Variants in UNC13C observed in about 807,000 individuals in gnomAD.
The protein encoded by UNC13C is unc-13 homolog C.
A neutral mutation model predicts 245.4 loss-of-function variants in UNC13C; 174 were observed. The ratio of observed to expected loss-of-function variants is 0.71; its 90% confidence interval spans 0.63 to 0.80. The LOEUF (loss-of-function observed/expected upper bound fraction) is 0.80, where lower values mean the gene tolerates loss of function less well. Among genes scored for constraint, UNC13C ranks in the 30% least tolerant of loss-of-function variants. UNC13C has a pLI of 0.00. For synonymous variants in UNC13C, 992 were observed against 895.1 expected (o/e 1.11, Z -1.93); for missense variants, 2,829 against 2,602.9 (o/e 1.09, Z -1.89).
At chr15:53,909,190 C>A in the UNC13C span, among the ~76,000 whole-genome samples, 1 of 146,782 alleles carries the variant, frequency 6.8e-6, no homozygotes, top group Non-Finnish European at 1.5e-5. Context: ...TCTCCTTATT[C>A]TTGCAGAAAT....
chr15:53,898,329 G>T, the UNC13C span, among the ~76,000 whole-genome samples: 2 of 151,868 alleles, frequency 1.3e-5, no homozygotes, highest in East Asian at 3.9e-4. Context: ...AAATGATCAG[G>T]GTAAGATGGT....
At chr15:54,577,211 T>C (rs928535641) in intron 30 of UNC13C, among the ~76,000 whole-genome samples, 1 of 151,880 alleles carries the variant, frequency 6.6e-6, no homozygotes, top group South Asian at 2.1e-4. Context: ...CTACTTTTTT[T>C]TGGCAAACTC....
chr15:54,418,828 T>C (rs1397827806), intron 19 of UNC13C, among the ~76,000 whole-genome samples: 3 of 152,170 alleles, frequency 2.0e-5, no homozygotes, highest in Non-Finnish European at 4.4e-5. Flanking sequence ...TTGCCTCCTT[T>C]CATCTTTACA....
intron 2 of UNC13C, among the ~76,000 whole-genome samples, chr15:54,062,248 G>A (rs1373099814): frequency 6.6e-6 from 1 of 151,752 alleles, no homozygotes; most frequent in Non-Finnish European, 1.5e-5. Flanking sequence ...GAACTTGGGA[G>A]GTGGAGGTTG....
chr15:54,077,378 T>TTTTTTTC (rs1566995151), intron 2 of UNC13C, among the ~76,000 whole-genome samples: 2 of 118,538 alleles, frequency 1.7e-5, no homozygotes, highest in African/African-American at 6.5e-5. Context: ...TTTCTTTTCT[T>TTTTTTTC]TTTTTTTTTT....
chr15:54,229,594 CAT>C (rs1457848678), intron 4 of UNC13C, among the ~76,000 whole-genome samples: 1 of 152,140 alleles, frequency 6.6e-6, no homozygotes, highest in African/African-American at 2.4e-5. Flanking sequence ...AGCTGATTAA[CAT>C]ATGTGTTACC....
At chr15:54,249,089 T>A (rs1221407337) in intron 7 of UNC13C, among the ~76,000 whole-genome samples, 3 of 152,216 alleles carry the variant, frequency 2.0e-5, no homozygotes, top group Non-Finnish European at 2.9e-5. Context: ...GGCAGTTGTG[T>A]GAAATTATCT....
At chr15:54,387,595 A>C (rs1567231869) in intron 17 of UNC13C, among the ~76,000 whole-genome samples, 1 of 152,146 alleles carries the variant, frequency 6.6e-6, no homozygotes, top group Non-Finnish European at 1.5e-5. Context: ...TCCTACCTCA[A>C]AACTAATGAG....
Position 54,494,665 on chromosome 15 carries a change from T to G in UNC13C, c.4991T>G (p.Val1664Gly). The change falls in exon 20 of 33, where the codon GTT becomes GGT. Residue 1664 changes from valine to glycine, a missense_variant. Transcript: ENST00000260323. ...STDYMNLHFKVKWFYNEYVRE... is the reference protein window; with the variant it reads ...STDYMNLHFKGKWFYNEYVRE... The stretch of plus-strand genomic sequence containing the variant: ...GATTATATGAATTTGCATTTCAAAG[T>G]TAAATGGTTTTATAATGAATATGTG... The G allele has an allele frequency of 6.2e-7, 1 of 1,611,338 alleles. No individual in the cohort carries two copies. Among genetic ancestry groups the G allele is most frequent in the Non-Finnish European group, 8.5e-7 (1 of 1,178,680 alleles).
chr15:53,959,199 C>T, the UNC13C span, among the ~76,000 whole-genome samples: 52 of 152,010 alleles, frequency 3.4e-4, no homozygotes, highest in African/African-American at 1.3e-3. Flanking sequence ...CTTTGATGGG[C>T]ACTTAGGTTG....
intron 19 of UNC13C, among the ~76,000 whole-genome samples, chr15:54,450,411 G>A (rs1891104704): frequency 6.6e-6 from 1 of 152,190 alleles, no homozygotes; most frequent in Admixed American, 6.5e-5. Flanking sequence ...AGCTGTGGTG[G>A]GCTCCACCCA....
chr15:54,056,109 A>C (rs1013494609), intron 2 of UNC13C, among the ~76,000 whole-genome samples: 5 of 152,218 alleles, frequency 3.3e-5, no homozygotes, highest in Non-Finnish European at 7.3e-5. Context: ...AGCTGGACGG[A>C]GAATGACTTT....
At chr15:54,221,562 AG>A (rs765659989) in intron 4 of UNC13C, among the ~76,000 whole-genome samples, 19 of 152,008 alleles carry the variant, frequency 1.2e-4, no homozygotes, top group Non-Finnish European at 2.4e-4. Context: ...CTAAATAAAA[AG>A]AGTTGTTTGT....
intron 4 of UNC13C, among the ~76,000 whole-genome samples, chr15:54,162,537 C>A (rs1191114457): frequency 2.0e-5 from 3 of 152,160 alleles, no homozygotes; most frequent in Non-Finnish European, 2.9e-5. Flanking sequence ...CTTTCACTAT[C>A]TGAATAAGAT....
intron 4 of UNC13C, among the ~76,000 whole-genome samples, chr15:54,216,455 C>A (rs1160350577): frequency 2.0e-5 from 3 of 151,810 alleles, no homozygotes; most frequent in Non-Finnish European, 4.4e-5. Context: ...GATATATTGT[C>A]TTGAAATTGC....
At chr15:53,961,976 C>T in the UNC13C span, among the ~76,000 whole-genome samples, 1 of 152,292 alleles carries the variant, frequency 6.6e-6, no homozygotes, top group Middle Eastern at 3.4e-3. Context: ...CATTTCTTCA[C>T]TTCTGATTTT....
chr15:54,333,590 A>C (rs1394368882), intron 15 of UNC13C, among the ~76,000 whole-genome samples, 177 bp from the exon 16 acceptor site: 1 of 152,068 alleles, frequency 6.6e-6, no homozygotes, highest in Non-Finnish European at 1.5e-5. Context: ...AATATTTCCA[A>C]ATTGTTTACG....
chr15:54,009,848 G>A (rs1272123286), intron 1 of UNC13C, among the ~76,000 whole-genome samples: 1 of 152,162 alleles, frequency 6.6e-6, no homozygotes, highest in East Asian at 1.9e-4. Context: ...GTATCACAGA[G>A]TTGGGATTCC....
At chr15:53,980,486 G>A (rs1470014587) in intron 1 of UNC13C, among the ~76,000 whole-genome samples, 3 of 152,138 alleles carry the variant, frequency 2.0e-5, no homozygotes, top group African/African-American at 7.2e-5. Flanking sequence ...AATCCATTAA[G>A]TAATTTTTTA....
Sources: gnomAD v4.1 joint callset for allele counts (sites outside exome capture counted in the v4.1 genomes callset) on GRCh38, gnomAD v4.1.1 for gene constraint, MANE v1.5 for transcripts, NCBI Gene and HGNC (gene_info 2026-07-23, HGNC 2026-07-21) for gene names.